The following ZNF500 variants were observed in gnomAD, a reference collection of about 807,000 sequenced individuals.
ZNF500 encodes zinc finger protein 500, also known as zinc finger protein with KRAB and SCAN domains 18.
Under a neutral mutation model 30.1 loss-of-function variants are expected in ZNF500, and 31 were observed. The ratio of observed to expected loss-of-function variants is 1.03; its 90% CI spans 0.77 to 1.39. ZNF500 has a LOEUF of 1.39. Ranked by LOEUF, ZNF500 falls within the 40% of genes most tolerant of loss-of-function variation. The pLI is 0.00. For missense variants in ZNF500, 817 were observed against 657.8 expected (o/e 1.24, Z -2.65); for synonymous variants, 392 against 282.0 (o/e 1.39, Z -3.91).
At chr16:4,762,126 G>T in intron 4 of ZNF500, 145 bp downstream of exon 4, 1 of 938,852 alleles carries the variant, frequency 1.1e-6, no homozygotes, top group Non-Finnish European at 1.7e-6. Context: ...CAGGGTTGGG[G>T]CAAAGGGAGA....
downstream of ZNF500, chr16:4,747,586 A>C: frequency 6.2e-7 from 1 of 1,610,770 alleles, no homozygotes; most frequent in Non-Finnish European, 8.5e-7. Flanking sequence ...AGCCAGGGGC[A>C]GCCAGGGAGG....
At chr16:4,747,272 T>A, downstream of ZNF500, 3 of 1,484,536 alleles carry the variant, frequency 2.0e-6, no homozygotes, top group Non-Finnish European at 2.7e-6. Context: ...GCTTTTCTCC[T>A]GTTTCAGTAA....
In ZNF500 at chr16:4,762,295, C is replaced by A; in HGVS notation, c.639G>T (p.Ser213=). ...CCTGGGACCAGGCCGAAAGGAAGGGCGAGGCTGACGCCATCTCCTGATGCC... is the reference window on the plus strand; with the variant it reads ...CCTGGGACCAGGCCGAAAGGAAGGGAGAGGCTGACGCCATCTCCTGATGCC... ...APRHQEMASA[S]PFLSAWSQVP... The change falls in exon 4 of 6, where the codon TCG becomes TCT. Residue 213 remains serine, a synonymous_variant. Coordinates refer to ENST00000219478, the MANE Select transcript of ZNF500 (RefSeq NM_021646.4). 2 of 1,611,194 alleles carry A rather than the reference C, an allele frequency of 1.2e-6. No individual in the cohort carries two copies. The highest frequency in any genetic ancestry group is 1.7e-6 in the Non-Finnish European group (2 of 1,178,780).
intron 4 of ZNF500, among the ~76,000 whole-genome samples, chr16:4,761,119 T>C (rs1413856870): frequency 6.6e-6 from 1 of 152,062 alleles, no homozygotes; most frequent in Non-Finnish European, 1.5e-5. Context: ...GTAATGAGTC[T>C]AGGGGGTTTT....
At chr16:4,762,076 G>C (rs2082208300) in intron 4 of ZNF500, among the ~76,000 whole-genome samples, 195 bp downstream of exon 4, 1 of 152,180 alleles carries the variant, frequency 6.6e-6, no homozygotes, top group African/African-American at 2.4e-5. Flanking sequence ...GGCCTCTGGA[G>C]AGAAGAAAAG....
chr16:4,748,218 A>AT (rs397855703), downstream of ZNF500: 13,695 of 112,278 alleles, frequency 0.12, 1,017 homozygotes, highest in Admixed American at 0.19. Flanking sequence ...TGTCCAGCTA[A>AT]TTTTTTTTTT....
rs775236939 is a variant in ZNF500 at position 4,765,740 on chromosome 16, C to T, written c.239G>A (p.Arg80Gln). 23 of 1,613,170 alleles carry T rather than the reference C, an allele frequency of 1.4e-5. No individual in the cohort carries two copies. The South Asian group carries it at 1.4e-4, about 10-fold the overall frequency. ...RLWELCCRWL[R>Q]PELRTKEQIL... is the part of the protein sequence containing the mutation. Reference sequence around the variant, plus strand: ...CTGCTCCTTGGTGCGCAGCTCCGGCCGCAGCCAGCGGCAGCACAGCTCCCA... The same window carrying T: ...CTGCTCCTTGGTGCGCAGCTCCGGCTGCAGCCAGCGGCAGCACAGCTCCCA... The change falls in exon 2 of 6, where the codon CGG (arginine) becomes CAG (glutamine). Residue 80 changes from arginine to glutamine, a missense_variant. Transcript: ENST00000219478.
chr16:4,758,875 A>G (rs1401304988), intron 5 of ZNF500, among the ~76,000 whole-genome samples: 1 of 151,490 alleles, frequency 6.6e-6, no homozygotes, highest in Non-Finnish European at 1.5e-5. Flanking sequence ...AAAGGACGCT[A>G]CCAACAAAAT....
In ZNF500 at chr16:4,752,257, T is replaced by C. The variant is rs766089845; in HGVS notation, c.*119A>G. On this transcript the variant is annotated 3_prime_UTR_variant, in exon 6 of 6. Coordinates refer to ENST00000219478, the MANE Select transcript of ZNF500 (RefSeq NM_021646.4). Reference sequence around the variant, plus strand: ...TCCCAAATGTCCCCTGCTGGCCTCATACTGGGCCATGGGAGGAAACGGGCA... The same window carrying C: ...TCCCAAATGTCCCCTGCTGGCCTCACACTGGGCCATGGGAGGAAACGGGCA... 9.1e-6 allele frequency: 13 copies of C among 1,428,976 alleles called. No homozygotes were observed. The highest frequency in any genetic ancestry group is 5.2e-4 in the Middle Eastern group (2 of 3,880). The allele number at this position is 1,428,976 out of a possible 1,614,324, so 88.5% of individuals were successfully genotyped here.
chr16:4,754,173 G>A (rs2082112891), intron 5 of ZNF500, among the ~76,000 whole-genome samples: 1 of 152,176 alleles, frequency 6.6e-6, no homozygotes, highest in Non-Finnish European at 1.5e-5. Flanking sequence ...CGCATGGTAG[G>A]CACACGCCAT....
At chr16:4,766,934 C>T (rs917774265) in intron 1 of ZNF500, 83 bp downstream of exon 1, 4 of 152,284 alleles carry the variant, frequency 2.6e-5, no homozygotes, top group African/African-American at 7.2e-5. Flanking sequence ...TACCCGAGGC[C>T]GCGGCACAGA....
In ZNF500 at chr16:4,765,740, C is replaced by A. The variant is rs775236939; in HGVS notation, c.239G>T (p.Arg80Leu). ...CTGCTCCTTGGTGCGCAGCTCCGGC[C>A]GCAGCCAGCGGCAGCACAGCTCCCA... is the stretch of plus-strand genomic sequence containing the variant. Reference protein sequence around the residue: ...RLWELCCRWLRPELRTKEQIL... With the variant: ...RLWELCCRWLLPELRTKEQIL... The change falls in exon 2 of 6, where the codon CGG becomes CTG. Residue 80 changes from arginine (R) to leucine (L), a missense_variant. Physicochemically the swap from Arg to Leu is moderately radical, Grantham distance 102 (BLOSUM62 -2). Transcript: ENST00000219478. 2 of 1,613,288 alleles carry A rather than the reference C, an allele frequency of 1.2e-6. No individual in the cohort carries two copies. The highest frequency in any genetic ancestry group is 1.7e-6 in the Non-Finnish European group (2 of 1,179,898).
chr16:4,762,509 C>A (rs960502076), intron 3 of ZNF500, 64 bp downstream of exon 3: 9 of 1,553,790 alleles, frequency 5.8e-6, no homozygotes, highest in South Asian at 1.2e-5. Context: ...ACAGTCCACA[C>A]CCCAGTCACC....
intron 1 of ZNF500, 23 bp from the exon 2 acceptor site, chr16:4,766,099 T>C: frequency 1.6e-6 from 2 of 1,251,884 alleles, no homozygotes; most frequent in Non-Finnish European, 1.1e-6. Flanking sequence ...GATAAAACCA[T>C]CTGAAGGGCA....
At chr16:4,746,923 G>T (rs754357172), downstream of ZNF500, 7 of 1,550,990 alleles carry the variant, frequency 4.5e-6, no homozygotes, top group East Asian at 1.2e-4. Context: ...TTCTCTCCCT[G>T]CAGCTCCAGC....
At chr16:4,766,658 G>A (rs1205310949) in intron 1 of ZNF500, among the ~76,000 whole-genome samples, 1 of 152,174 alleles carries the variant, frequency 6.6e-6, no homozygotes, top group Non-Finnish European at 1.5e-5. Flanking sequence ...CAGAGCTCGA[G>A]AATCGTTATT....
At chr16:4,746,310 C>A, downstream of ZNF500, 1 of 1,517,832 alleles carries the variant, frequency 6.6e-7, no homozygotes, top group Non-Finnish European at 9.0e-7. Flanking sequence ...ACTGGACAAA[C>A]CCAGCGCAGG....
downstream of ZNF500, chr16:4,747,732 C>A: frequency 7.3e-7 from 1 of 1,374,784 alleles, no homozygotes; most frequent in Non-Finnish European, 9.7e-7. Context: ...CTAGCAGGGG[C>A]ATTCCAGAGG....
chr16:4,745,247 G>T (rs2081999829), downstream of ZNF500, among the ~76,000 whole-genome samples: 1 of 152,188 alleles, frequency 6.6e-6, no homozygotes, highest in South Asian at 2.1e-4. Flanking sequence ...AAGCCCTCAA[G>T]TACCTGCTCT....
Sources: allele counts gnomAD v4.1 joint callset (sites outside exome capture counted in the v4.1 genomes callset), GRCh38; gene constraint gnomAD v4.1.1; transcripts MANE v1.5; gene names NCBI Gene and HGNC (gene_info 2026-07-23, HGNC 2026-07-21).